The following FAM169A variants were observed in gnomAD, a reference collection of about 807,000 sequenced individuals.
The protein encoded by FAM169A is soluble lamin-associated protein of 75 kDa.
In FAM169A, 24 loss-of-function variants were observed where a neutral mutation model predicts 75.7. The observed-to-expected ratio is 0.32, with a 90% CI of 0.23 to 0.45. The LOEUF is 0.45. FAM169A is among the 20% of genes least tolerant of loss of function. The pLI is 1.00. For missense variants in FAM169A, 673 were observed against 784.0 expected (o/e 0.86, Z 1.69); for synonymous variants, 271 against 271.0 (o/e 1.00, Z 0.00).
chr5:74,811,842 A>G (rs2112568895), intron 6 of FAM169A, among the ~76,000 whole-genome samples: 1 of 152,372 alleles, frequency 6.6e-6, no homozygotes, highest in Middle Eastern at 3.4e-3. Flanking sequence ...TATAAAGATG[A>G]GTAAAGAAAG....
intron 11 of FAM169A, among the ~76,000 whole-genome samples, chr5:74,787,618 G>C (rs1249673777): frequency 2.0e-5 from 3 of 152,174 alleles, no homozygotes; most frequent in African/African-American, 2.4e-5. Context: ...ACAAAATTTA[G>C]AACGGGAATA....
At chr5:74,866,959 C>T (rs1266501968), upstream of FAM169A, 1 of 985,098 alleles carries the variant, frequency 1.0e-6, no homozygotes, top group Non-Finnish European at 1.2e-6. Flanking sequence ...GGGCTGCTTT[C>T]ACAGTCTACA....
chr5:74,800,095 G>A (rs1330659862), intron 10 of FAM169A: 25 of 623,270 alleles, frequency 4.0e-5, no homozygotes, highest in East Asian at 2.1e-4. Context: ...GTGAGCCTCC[G>A]CCATCCAGCG....
chr5:74,819,501 A>G (rs72764672), intron 5 of FAM169A, among the ~76,000 whole-genome samples: 1 of 152,208 alleles, frequency 6.6e-6, no homozygotes, highest in South Asian at 2.1e-4. Flanking sequence ...GCAGTTTCTC[A>G]AAAGGCGAAA....
intron 6 of FAM169A, among the ~76,000 whole-genome samples, chr5:74,809,322 T>C (rs1300834206): frequency 1.3e-5 from 2 of 152,110 alleles, no homozygotes; most frequent in African/African-American, 4.8e-5. Flanking sequence ...CGGCCAGGTG[T>C]GGTGGCTCAC....
At chr5:74,866,019 G>C in intron 1 of FAM169A, 146 bp downstream of exon 1, 1 of 236,940 alleles carries the variant, frequency 4.2e-6, no homozygotes, top group Non-Finnish European at 6.9e-6. Context: ...GTCTGCGCCA[G>C]GCCCAGCCCG....
intron 4 of FAM169A, among the ~76,000 whole-genome samples, chr5:74,837,739 A>T (rs2112661689): frequency 6.6e-6 from 1 of 152,268 alleles, no homozygotes; most frequent in East Asian, 1.9e-4. Context: ...AACCCTGCGA[A>T]TCTGACAAGT....
Position 74,778,294 on chromosome 5 carries a change from A to T in FAM169A, c.*3166T>A, listed in dbSNP as rs943782493. On this transcript the variant is annotated 3_prime_UTR_variant, in exon 13 of 13. Transcript: ENST00000687041. ...TGAGTAATATTAGTATAAATTTTTTATGTACATTAAGATCTGTTTCAGTTT... is the reference window on the plus strand; with the variant it reads ...TGAGTAATATTAGTATAAATTTTTTTTGTACATTAAGATCTGTTTCAGTTT... 1.3e-5 allele frequency: 2 copies of T among 152,072 alleles called. No individual in the cohort carries two copies. Among genetic ancestry groups the T allele is most frequent in the Non-Finnish European group, 2.9e-5 (2 of 67,896 alleles). The allele number at this position is 152,072 out of a possible 1,614,324, so 9.4% of individuals were successfully genotyped here. A position where few individuals can be genotyped will look rare whatever the true frequency, so the allele number is the denominator to read the frequency against.
At chr5:74,785,223 G>A (rs1001992897) in intron 11 of FAM169A, among the ~76,000 whole-genome samples, 1 of 152,004 alleles carries the variant, frequency 6.6e-6, no homozygotes, top group Non-Finnish European at 1.5e-5. Flanking sequence ...GGAGGCTGAG[G>A]CAGAGAATTG....
intron 1 of FAM169A, among the ~76,000 whole-genome samples, chr5:74,850,089 C>T (rs1234378440): frequency 1.3e-5 from 2 of 152,118 alleles, no homozygotes; most frequent in African/African-American, 4.8e-5. Flanking sequence ...GGTTCTATTC[C>T]GAACACTTCA....
chr5:74,827,466 A>G (rs568560004), intron 5 of FAM169A, among the ~76,000 whole-genome samples: 4 of 152,062 alleles, frequency 2.6e-5, no homozygotes, highest in Non-Finnish European at 5.9e-5. Context: ...TTTCTCTACA[A>G]GAATATATTT....
intron 11 of FAM169A, among the ~76,000 whole-genome samples, chr5:74,794,074 G>A (rs972238523): frequency 2.0e-5 from 3 of 151,636 alleles, no homozygotes; most frequent in Non-Finnish European, 4.4e-5. Flanking sequence ...TGGGTATGGT[G>A]GGTCATGCCT....
At chr5:74,814,882 TA>T (rs1259356919) in intron 5 of FAM169A, among the ~76,000 whole-genome samples, 2 of 152,220 alleles carry the variant, frequency 1.3e-5, no homozygotes, top group Non-Finnish European at 2.9e-5. Flanking sequence ...ATTATTCTAT[TA>T]TTTTTGCCTC....
chr5:74,801,032 T>C lies in FAM169A; in HGVS notation c.953-2A>G. On this transcript the variant is annotated splice_acceptor_variant, in intron 9 of 12. Coordinates refer to ENST00000687041, the MANE Select transcript of FAM169A (RefSeq NM_001376049.1). LOFTEE classifies it high-confidence loss of function. ...TGGAAACAGATGTTTTATCATGACC[T>C]GAGGAGAAAAACAGCAAAACTGCAC... The C allele has an allele frequency of 6.5e-7, 1 of 1,533,936 alleles. No individual in the cohort carries two copies. Among genetic ancestry groups the C allele is most frequent in the East Asian group, 2.5e-5 (1 of 40,314 alleles).
intron 1 of FAM169A, chr5:74,848,720 T>A (rs535431539): frequency 6.6e-6 from 1 of 152,258 alleles, no homozygotes; most frequent in African/African-American, 2.4e-5. Context: ...ATGCTTGGAA[T>A]TGTTTTTTTT....
intron 5 of FAM169A, among the ~76,000 whole-genome samples, chr5:74,816,546 A>T (rs1747481043): frequency 6.6e-6 from 1 of 152,128 alleles, no homozygotes; most frequent in Admixed American, 6.5e-5. Flanking sequence ...TCAGAAAATC[A>T]TACTGGTTCT....
In FAM169A at chr5:74,781,816, C is replaced by T. The variant is rs376237156; in HGVS notation, c.1657G>A (p.Glu553Lys). ...GACAAATTCTCAGAGACCGGTTCTT[C>T]GGAAAATTCAGCTATCACAGAGTTT... The part of the protein sequence containing the change: ...FPNSVIAEFS[E>K]EPVSENLSPN... The change falls in exon 13 of 13, where the codon GAA (glutamate) becomes AAA (lysine). Residue 553 changes from glutamate to lysine, a missense_variant. Physicochemically the swap from Glu to Lys is moderately conservative, Grantham distance 56. Transcript: ENST00000687041. The T allele has an allele frequency of 1.1e-5, 17 of 1,614,026 alleles. No homozygotes were observed. The highest frequency in any genetic ancestry group is 7.7e-5 in the South Asian group (7 of 91,078).
At position 74,779,180 on chromosome 5, in the gene FAM169A, C is replaced by G. The variant is rs894437248; in HGVS notation, c.*2280G>C. 3 of 152,092 alleles carry G rather than the reference C, an allele frequency of 2.0e-5. No homozygotes were observed. Among genetic ancestry groups the G allele is most frequent in the Non-Finnish European group, 4.4e-5 (3 of 67,970 alleles). The allele number at this position is 152,092 out of a possible 1,614,324, so 9.4% of individuals were successfully genotyped here. On this transcript the variant is annotated 3_prime_UTR_variant, in exon 13 of 13. Coordinates refer to ENST00000687041, the MANE Select transcript of FAM169A (RefSeq NM_001376049.1). The stretch of plus-strand genomic sequence containing the variant: ...CAAGTTTAACAAGAATAAGTTTATA[C>G]TGTTAGCCCCCAATGGTCATATATG...
chr5:74,844,339 G>A (rs1397656442), intron 1 of FAM169A, among the ~76,000 whole-genome samples: 1 of 152,036 alleles, frequency 6.6e-6, no homozygotes, highest in Non-Finnish European at 1.5e-5. Context: ...GTATGCACCT[G>A]TAGTCCCAGC....
Sources: allele counts gnomAD v4.1 joint callset (sites outside exome capture counted in the v4.1 genomes callset), GRCh38; gene constraint gnomAD v4.1.1; transcripts MANE v1.5; gene names NCBI Gene and HGNC (gene_info 2026-07-23, HGNC 2026-07-21).